Variants in ZNF343 observed in about 807,000 individuals in gnomAD.
ZNF343 encodes the protein zinc finger protein 343.
In ZNF343, 11 loss-of-function variants were observed where a neutral mutation model predicts 13.8. The ratio of observed to expected loss-of-function variants is 0.80; its 90% confidence interval spans 0.50 to 1.32. The LOEUF (loss-of-function observed/expected upper bound fraction) is 1.32. ZNF343 is among the 40% of genes most tolerant of loss of function. The probability of loss-of-function intolerance (pLI) is 0.00; values close to 1 mark genes in which losing one functional copy is unlikely to be tolerated. For missense variants in ZNF343, 658 were observed against 714.2 expected (o/e 0.92, Z 0.90); for synonymous variants, 248 against 260.0 (o/e 0.95, Z 0.44).
chr20:2,483,266 A>T lies in ZNF343; in HGVS notation c.1695T>A (p.Leu565=), dbSNP rs200999970. ...GRGFSRKSLL[L]VHQRTHSGEK... is the part of the protein sequence containing the mutation. ...CCCCTGAGTGTGTCCTCTGGTGGAC[A>T]AGGAGGAGTGATTTCCGGCTAAAGC... The change falls in exon 6 of 6, where the codon CTT becomes CTA. Residue 565 remains leucine (L), a synonymous_variant. Coordinates refer to ENST00000278772, the MANE Select transcript of ZNF343 (RefSeq NM_024325.6). The T allele has an allele frequency of 8.1e-6, 13 of 1,605,352 alleles. No individual in the cohort carries two copies. In the East Asian group the frequency reaches 2.9e-4, roughly 36 times the overall value.
intron 3 of ZNF343, 41 bp from the exon 4 acceptor site, chr20:2,493,618 C>G: frequency 2.3e-6 from 2 of 866,018 alleles, no homozygotes; most frequent in Non-Finnish European, 1.7e-6. Context: ...CAGACCCCCC[C>G]ACCCCCCACC....
Position 2,483,602 on chromosome 20 carries a change from G to C in ZNF343, c.1359C>G (p.Ile453Met), listed in dbSNP as rs558835774. Residue 453 changes from isoleucine to methionine, a missense_variant, in exon 6 of 6, where the codon ATC becomes ATG. Coordinates refer to ENST00000278772, the MANE Select transcript of ZNF343 (RefSeq NM_024325.6). Reference sequence around the variant, plus strand: ...CTCCAGAGTGCGTCCGCTCGTGTATGATGAGGGTTGACTTGTCACAAAAGC... The same window carrying C: ...CTCCAGAGTGCGTCCGCTCGTGTATCATGAGGGTTGACTTGTCACAAAAGC... ...GRGFCDKSTL[I>M]IHERTHSGEK... The C allele has an allele frequency of 6.2e-7, 1 of 1,606,020 alleles. No individual in the cohort carries two copies. Among genetic ancestry groups the C allele is most frequent in the Admixed American group, 1.7e-5 (1 of 59,012 alleles).
chr20:2,483,498 G>C lies in ZNF343; in HGVS notation c.1463C>G (p.Ser488Ter). 2 of 1,611,738 alleles carry C rather than the reference G, an allele frequency of 1.2e-6. No individual in the cohort carries two copies. Among genetic ancestry groups the C allele is most frequent in the Non-Finnish European group, 1.7e-6 (2 of 1,179,376 alleles). The change falls in exon 6 of 6, where the codon TCA becomes TGA. Residue 488 changes from serine to a stop codon, truncating the protein, a stop_gained. Coordinates refer to ENST00000278772, the MANE Select transcript of ZNF343 (RefSeq NM_024325.6). LOFTEE classifies it low-confidence loss of function (END_TRUNC). ...CCTGCAGACATAATGCTTCTCCCCT[G>C]AGTGTGTCCTCTGGTGGACAAGGAG... ...SLLLVHQRTHSGEKHYVCREC... is the reference protein window; with the variant it reads ...SLLLVHQRTH
rs759646289 is a variant in ZNF343 at position 2,483,753 on chromosome 20, T to A, written c.1208A>T (p.His403Leu). 2 of 1,614,102 alleles carry A rather than the reference T, an allele frequency of 1.2e-6. No individual in the cohort carries two copies. Among genetic ancestry groups the A allele is most frequent in the Non-Finnish European group, 1.7e-6 (2 of 1,179,996 alleles). The change falls in exon 6 of 6, where the codon CAC becomes CTC. Residue 403 changes from histidine to leucine, a missense_variant. By Grantham distance (99) the His-to-Leu change is moderately conservative. Coordinates refer to ENST00000278772, the MANE Select transcript of ZNF343 (RefSeq NM_024325.6). ...KSTLRKHQRIHSGEKPYVCRE... is the reference protein window; with the variant it reads ...KSTLRKHQRILSGEKPYVCRE... ...GCAAACATAAGGCTTCTCCCCTGAG[T>A]GTATCCTCTGGTGTTTTCTGAGGGT... is the stretch of plus-strand genomic sequence containing the variant.
chr20:2,506,434 C>T (rs1404724746), intron 1 of ZNF343, among the ~76,000 whole-genome samples: 1 of 151,972 alleles, frequency 6.6e-6, no homozygotes, highest in Non-Finnish European at 1.5e-5. Flanking sequence ...ACCCAGCCAT[C>T]CCATTACTGG....
At chr20:2,514,640 T>G (rs773663161) in intron 1 of ZNF343, among the ~76,000 whole-genome samples, 1 of 152,118 alleles carries the variant, frequency 6.6e-6, no homozygotes, top group Non-Finnish European at 1.5e-5. Context: ...ATTATATATA[T>G]CTTTTAAAAA....
intron 1 of ZNF343, among the ~76,000 whole-genome samples, chr20:2,505,517 C>T (rs1179008083): frequency 6.6e-6 from 1 of 152,186 alleles, no homozygotes; most frequent in East Asian, 1.9e-4. Flanking sequence ...AAGCTGGAGG[C>T]ATCACGCTAC....
intron 5 of ZNF343, among the ~76,000 whole-genome samples, chr20:2,490,485 G>T (rs1456082697): frequency 6.6e-6 from 1 of 151,418 alleles, no homozygotes; most frequent in East Asian, 1.9e-4. Context: ...TAGGTCATTT[G>T]TTTGTGTGTG....
chr20:2,485,284 C>A (rs1000269316), intron 5 of ZNF343, among the ~76,000 whole-genome samples: 3 of 152,090 alleles, frequency 2.0e-5, no homozygotes, highest in African/African-American at 7.2e-5. Context: ...TGGCACCAAG[C>A]CAAAACAACA....
At chr20:2,504,691 C>T (rs189040268) in intron 1 of ZNF343, among the ~76,000 whole-genome samples, 1,941 of 152,162 alleles carry the variant, frequency 0.013, 17 homozygotes, top group South Asian at 0.027. Context: ...ACAGAACCAA[C>T]GACAAAAACC....
Position 2,518,106 on chromosome 20 carries a change from C to A in ZNF343, c.-347+6349G>T, listed in dbSNP as rs948341290. 6.6e-6 allele frequency among the ~76,000 whole-genome samples: 1 copy of A among 151,934 alleles called. No homozygotes were observed. Among genetic ancestry groups the A allele is most frequent in the African/African-American group, 2.4e-5 (1 of 41,346 alleles). On this transcript the variant is annotated intron_variant, in intron 1 of 6. Transcript: ENST00000358413. The surrounding 1 kb of genome is among the most constrained non-coding windows in gnomAD (Gnocchi z 4.6). ...TCGGCTCACTGTAACCTCTGCCTCC[C>A]AGGCTCAAGTGATTCCCCTTCCTCA...
At chr20:2,516,862 G>A (rs2085761524) in intron 1 of ZNF343, among the ~76,000 whole-genome samples, 1 of 152,114 alleles carries the variant, frequency 6.6e-6, no homozygotes, top group African/African-American at 2.4e-5. Context: ...TTAGGGTAAA[G>A]GTGGGCGTGA....
intron 2 of ZNF343, among the ~76,000 whole-genome samples, chr20:2,498,857 G>A (rs1366523175): frequency 6.6e-6 from 1 of 152,120 alleles, no homozygotes; most frequent in African/African-American, 2.4e-5. Context: ...TTGAATCTAG[G>A]CAATCTGTCT....
chr20:2,521,528 G>A (rs1371441363), intron 1 of ZNF343, among the ~76,000 whole-genome samples: 1 of 152,212 alleles, frequency 6.6e-6, no homozygotes, highest in Non-Finnish European at 1.5e-5. Context: ...GACCTCTGGG[G>A]ACTCAGCTTC....
intron 5 of ZNF343, among the ~76,000 whole-genome samples, chr20:2,487,193 T>G (rs1204149396): frequency 6.6e-6 from 1 of 152,212 alleles, no homozygotes; most frequent in Non-Finnish European, 1.5e-5. Context: ...TGTTTCTCTT[T>G]GTATTCGATT....
At chr20:2,494,340 G>C (rs923609073) in intron 2 of ZNF343, among the ~76,000 whole-genome samples, 11 of 152,104 alleles carry the variant, frequency 7.2e-5, no homozygotes, top group African/African-American at 2.7e-4. Context: ...TGAAGCCTGA[G>C]TCAGAGAGAA....
intron 1 of ZNF343, among the ~76,000 whole-genome samples, chr20:2,507,622 C>G (rs546358856): frequency 6.6e-6 from 1 of 152,264 alleles, no homozygotes; most frequent in South Asian, 2.1e-4. Context: ...GAGCGCCACA[C>G]GCTTAGCCAG....
At chr20:2,496,274 G>A (rs2085457534) in intron 2 of ZNF343, among the ~76,000 whole-genome samples, 1 of 152,176 alleles carries the variant, frequency 6.6e-6, no homozygotes, top group South Asian at 2.1e-4. Flanking sequence ...GTGGGCAACT[G>A]TGTCAGTAGA....
At chr20:2,492,585 C>G in intron 5 of ZNF343, 114 bp downstream of exon 5, 1 of 1,321,088 alleles carries the variant, frequency 7.6e-7, no homozygotes, top group South Asian at 1.3e-5. Flanking sequence ...GCAGGGATTA[C>G]GATTTTGTTT....
Sources: allele counts gnomAD v4.1 joint callset (sites outside exome capture counted in the v4.1 genomes callset), GRCh38; gene constraint gnomAD v4.1.1; non-coding constraint Gnocchi (gnomAD v3.1); transcripts MANE v1.5; gene names NCBI Gene and HGNC (gene_info 2026-07-23, HGNC 2026-07-21).